Variants in ZFPM2 observed in about 807,000 individuals in gnomAD.
The protein encoded by ZFPM2 is zinc finger protein ZFPM2.
A neutral mutation model predicts 98.6 loss-of-function variants in ZFPM2; 20 were observed. The observed-to-expected ratio is 0.20, with a 90% CI of 0.14 to 0.29. The LOEUF is 0.29. Among genes scored for constraint, ZFPM2 ranks in the 10% least tolerant of loss-of-function variants. ZFPM2 has a pLI of 1.00. For missense variants in ZFPM2, 1,310 were observed against 1,388.6 expected (o/e 0.94, Z 0.90); for synonymous variants, 518 against 502.7 (o/e 1.03, Z -0.41).
At chr8:105,575,906 C>A (rs1355466221) in intron 4 of ZFPM2, among the ~76,000 whole-genome samples, 1 of 152,122 alleles carries the variant, frequency 6.6e-6, no homozygotes, top group African/African-American at 2.4e-5. Flanking sequence ...TTCAGTTAAG[C>A]TGTTTTGGAG....
At chr8:105,680,872 G>A (rs1810584310) in intron 5 of ZFPM2, among the ~76,000 whole-genome samples, 1 of 151,980 alleles carries the variant, frequency 6.6e-6, no homozygotes, top group South Asian at 2.1e-4. Flanking sequence ...ATTCGTTGAA[G>A]TTGTTTATTG....
chr8:105,741,756 A>G (rs546213847), intron 5 of ZFPM2, among the ~76,000 whole-genome samples: 1 of 151,842 alleles, frequency 6.6e-6, no homozygotes, highest in South Asian at 2.1e-4. Context: ...GTTATTGGTC[A>G]TGAATGTAAA....
intron 3 of ZFPM2, among the ~76,000 whole-genome samples, chr8:105,518,546 G>A (rs1402742707): frequency 1.3e-5 from 2 of 152,162 alleles, no homozygotes; most frequent in Non-Finnish European, 2.9e-5. Flanking sequence ...AATGAGTCAT[G>A]CACTGAAATC....
At chr8:105,745,550 G>A (rs1037645229) in intron 5 of ZFPM2, among the ~76,000 whole-genome samples, 1 of 152,038 alleles carries the variant, frequency 6.6e-6, no homozygotes, top group Non-Finnish European at 1.5e-5. Context: ...GATAGGATAT[G>A]TTTTATTTCC....
Position 105,442,216 on chromosome 8 carries a change from C to G in ZFPM2, c.200-2064C>G, listed in dbSNP as rs1228698445. Among the ~76,000 whole-genome samples, 6 of 150,664 alleles carry G rather than the reference C, an allele frequency of 4.0e-5. No individual in the cohort carries two copies. The South Asian group carries it at 1.3e-3, about 32-fold the overall frequency. ...AAAATTAGCTGGGTGTGGTGGCAGGCGCCTGTAGTCCCAGCTACTTTGGAA... is the reference window on the plus strand; with the variant it reads ...AAAATTAGCTGGGTGTGGTGGCAGGGGCCTGTAGTCCCAGCTACTTTGGAA... On this transcript the variant is annotated intron_variant, in intron 2 of 7. Transcript: ENST00000407775.
chr8:105,540,731 A>G (rs1175797492), intron 3 of ZFPM2, among the ~76,000 whole-genome samples: 1 of 152,080 alleles, frequency 6.6e-6, no homozygotes, highest in Non-Finnish European at 1.5e-5. Context: ...TTTTCAGCAG[A>G]CTGCATTGTC....
chr8:105,606,425 T>C (rs1351064082), intron 4 of ZFPM2, among the ~76,000 whole-genome samples: 3 of 152,030 alleles, frequency 2.0e-5, no homozygotes. Flanking sequence ...GTTGAAATGC[T>C]TGGTCTTAGA....
chr8:105,392,797 C>T lies in ZFPM2; in HGVS notation c.41-26347C>T, dbSNP rs568101938. On this transcript the variant is annotated intron_variant, in intron 1 of 7. Coordinates refer to ENST00000407775, the MANE Select transcript of ZFPM2 (RefSeq NM_012082.4). ...CATGCAAACAAGCAAATTGCTTCACCCCTTTGAACTTCATTTCTTAATCTA... is the reference window on the plus strand; with the variant it reads ...CATGCAAACAAGCAAATTGCTTCACTCCTTTGAACTTCATTTCTTAATCTA... Among the ~76,000 whole-genome samples, 29 of 152,168 alleles carry T rather than the reference C, an allele frequency of 1.9e-4. No homozygotes were observed. In the East Asian group the frequency reaches 4.2e-3, roughly 22 times the overall value.
chr8:105,596,282 A>G (rs1377807519), intron 4 of ZFPM2, among the ~76,000 whole-genome samples: 3 of 152,110 alleles, frequency 2.0e-5, no homozygotes, highest in Non-Finnish European at 4.4e-5. Flanking sequence ...AAAACAAAAG[A>G]GTAAACAATC....
chr8:105,767,883 C>T lies in ZFPM2; in HGVS notation c.533-20835C>T, dbSNP rs1249054379. ...CCAAAATTTAGATGTTTGAAAAAAC[C>T]CTATTTTTTCCTTCAGAAATGTACA... On this transcript the variant is annotated intron_variant, in intron 5 of 7. Transcript: ENST00000407775. Among the ~76,000 whole-genome samples the T allele has an allele frequency of 2.0e-5, 3 of 151,722 alleles. No homozygotes were observed. In the South Asian group the frequency reaches 6.2e-4, roughly 31 times the overall value.
chr8:105,455,270 G>T (rs1812564887), intron 3 of ZFPM2, among the ~76,000 whole-genome samples: 1 of 152,158 alleles, frequency 6.6e-6, no homozygotes, highest in African/African-American at 2.4e-5. Flanking sequence ...GGGTTGTAAA[G>T]TATTTATTTA....
At chr8:105,599,210 T>C (rs1816038460) in intron 4 of ZFPM2, among the ~76,000 whole-genome samples, 2 of 152,004 alleles carry the variant, frequency 1.3e-5, no homozygotes, top group Non-Finnish European at 2.9e-5. Context: ...TTCTGTTTGA[T>C]CCGTGTCCTT....
intron 3 of ZFPM2, among the ~76,000 whole-genome samples, chr8:105,536,555 G>A (rs779759057): frequency 3.9e-5 from 6 of 151,900 alleles, no homozygotes; most frequent in Non-Finnish European, 8.8e-5. Flanking sequence ...GAGATAATGG[G>A]ATCTCTGTCC....
At chr8:105,542,929 T>C (rs1814611426) in intron 3 of ZFPM2, among the ~76,000 whole-genome samples, 1 of 152,188 alleles carries the variant, frequency 6.6e-6, no homozygotes, top group Non-Finnish European at 1.5e-5. Flanking sequence ...TGTGAATGTA[T>C]GTGCATGTTG....
intron 2 of ZFPM2, among the ~76,000 whole-genome samples, chr8:105,442,147 C>G (rs1166355761): frequency 2.7e-5 from 4 of 148,930 alleles, no homozygotes; most frequent in Admixed American, 6.7e-5. Flanking sequence ...TCCTGGCTAA[C>G]ACGGTGAAAC....
Position 105,562,314 on chromosome 8 carries a change from TAATAAATAAATAAATAAATA to T in ZFPM2, c.420+857_420+876del, listed in dbSNP as rs35570669. ...GACAGAGCAAGACTCCATCTCAAAATAATAAATAAATAAATAAATAAATAAATAAATAAATAAATAAATGG... is the reference window on the plus strand; with the variant it reads ...GACAGAGCAAGACTCCATCTCAAAATAATAAATAAATAAATAAATAAATGG... On this transcript the variant is annotated intron_variant, in intron 4 of 7. Transcript: ENST00000407775. Among the ~76,000 whole-genome samples, 4 of 147,814 alleles carry T rather than the reference TAATAAATAAATAAATAAATA, an allele frequency of 2.7e-5. No individual in the cohort carries two copies. In the Admixed American group the frequency reaches 2.7e-4, roughly 10 times the overall value.
intron 4 of ZFPM2, among the ~76,000 whole-genome samples, chr8:105,587,259 A>T: frequency 7.0e-6 from 1 of 142,692 alleles, no homozygotes. Flanking sequence ...CCTGGGTGAC[A>T]GAGCAAGACT....
intron 1 of ZFPM2, among the ~76,000 whole-genome samples, chr8:105,352,947 C>A (rs906826370): frequency 6.6e-6 from 1 of 151,972 alleles, no homozygotes; most frequent in Non-Finnish European, 1.5e-5. Context: ...CACTGTGGAG[C>A]ACAACATTAG....
intron 5 of ZFPM2, among the ~76,000 whole-genome samples, chr8:105,715,965 G>T (rs1369662870): frequency 6.6e-6 from 1 of 151,832 alleles, no homozygotes; most frequent in African/African-American, 2.4e-5. Flanking sequence ...TTTCAATGCA[G>T]AGTTACTGTA....
Sources: gnomAD v4.1 joint callset for allele counts (sites outside exome capture counted in the v4.1 genomes callset) on GRCh38, gnomAD v4.1.1 for gene constraint, MANE v1.5 for transcripts, NCBI Gene and HGNC (gene_info 2026-07-23, HGNC 2026-07-21) for gene names.